The following UNC45A variants were observed in gnomAD, a reference collection of about 807,000 sequenced individuals.
The protein encoded by UNC45A is protein unc-45 homolog A.
Under a neutral mutation model 103.2 loss-of-function variants are expected in UNC45A, and 78 were observed. That is an observed-to-expected ratio of 0.76 (90% confidence interval 0.63 to 0.91). The LOEUF is 0.91. Ranked by LOEUF, UNC45A falls within the 40% of genes least tolerant of loss-of-function variation. The pLI is 0.00. For synonymous variants in UNC45A, 495 were observed against 504.6 expected, an observed-to-expected ratio of 0.98 and a Z score of 0.25; for missense variants, 1,193 against 1,224.8, an observed-to-expected ratio of 0.97 and a Z score of 0.39.
In UNC45A at chr15:90,936,182, T is replaced by TC. The variant is rs570565714; in HGVS notation, c.251-96dup. 2.9e-3 allele frequency: 4,431 copies of TC among 1,529,070 alleles called. 9 individuals carry two copies. Among genetic ancestry groups the TC allele is most frequent in the Non-Finnish European group, 3.5e-3 (3,963 of 1,140,460 alleles). The allele number at this position is 1,529,070 out of a possible 1,614,324, so 94.7% of individuals were successfully genotyped here. On this transcript the variant is annotated intron_variant, in intron 3 of 19. Coordinates refer to ENST00000418476, the MANE Select transcript of UNC45A (RefSeq NM_018671.5). ...GCTGAAGCACCGAGCCCCACATTCGTCCCCCCCACCTTCTTCTGGCCTTTC... is the reference window on the plus strand; with the variant it reads ...GCTGAAGCACCGAGCCCCACATTCGTCCCCCCCCACCTTCTTCTGGCCTTTC...
At position 90,950,627 on chromosome 15, in the gene UNC45A, T is replaced by C; in HGVS notation, c.2303+12T>C. 1 of 1,613,398 alleles carries C rather than the reference T, an allele frequency of 6.2e-7. No individual in the cohort carries two copies. Among genetic ancestry groups the C allele is most frequent in the Non-Finnish European group, 8.5e-7 (1 of 1,179,576 alleles). ...AGCGAGAGGCTCCGGTAAGGTCCCT[T>C]GGGATTGCGGGGCCTGGACCAGGCA... is the stretch of plus-strand genomic sequence containing the variant. On this transcript the variant is annotated intron_variant, in intron 17 of 19. Coordinates refer to ENST00000418476, the MANE Select transcript of UNC45A (RefSeq NM_018671.5).
chr15:90,937,967 T>A (rs540307368), intron 4 of UNC45A, among the ~76,000 whole-genome samples: 3 of 152,168 alleles, frequency 2.0e-5, no homozygotes, highest in African/African-American at 7.2e-5. Flanking sequence ...CTAATTTTTA[T>A]ATTTTTTGTA....
chr15:90,940,158 C>G, intron 5 of UNC45A, 148 bp from the exon 6 acceptor site: 2 of 833,124 alleles, frequency 2.4e-6, no homozygotes, highest in Middle Eastern at 3.7e-4. Flanking sequence ...ACAGAGGAAG[C>G]TAAACTTCAA....
intron 17 of UNC45A, 128 bp downstream of exon 17, chr15:90,950,743 C>T: frequency 2.2e-6 from 2 of 929,682 alleles, no homozygotes; most frequent in South Asian, 1.6e-5. Flanking sequence ...GACTGCTCCG[C>T]ATCATTAGAG....
rs75536206 is a variant in UNC45A at position 90,946,706 on chromosome 15, G to T, written c.1292G>T (p.Arg431Leu). 5 of 1,612,960 alleles carry T rather than the reference G, an allele frequency of 3.1e-6. No individual in the cohort carries two copies. The highest frequency in any genetic ancestry group is 4.2e-6 in the Non-Finnish European group (5 of 1,180,020). The change falls in exon 10 of 20, where the codon CGG (arginine) becomes CTG (leucine). Residue 431 changes from arginine (R) to leucine (L), a missense_variant. Arg to Leu is a moderately radical substitution (Grantham distance 102, BLOSUM62 -2). Coordinates refer to ENST00000418476, the MANE Select transcript of UNC45A (RefSeq NM_018671.5). ...LLQGPCDAGN[R>L]ALELSGVMES... is the part of the protein sequence containing the mutation. ...CAGGGCCCATGTGACGCTGGCAACC[G>T]GGCCTTGGAGCTGAGCGGTGTCATG...
intron 13 of UNC45A, 26 bp downstream of exon 13, chr15:90,948,820 G>A (rs1282168601): frequency 1.3e-6 from 2 of 1,571,874 alleles, no homozygotes; most frequent in East Asian, 2.3e-5. Flanking sequence ...AGGGGCTAGA[G>A]GGTTCCCCAC....
At chr15:90,945,268 T>C (rs1295544908) in intron 9 of UNC45A, among the ~76,000 whole-genome samples, 1 of 152,202 alleles carries the variant, frequency 6.6e-6, no homozygotes, top group African/African-American at 2.4e-5. Flanking sequence ...CTCAAGTCAA[T>C]GTTCCAATAA....
chr15:90,936,137 C>T, intron 3 of UNC45A, 148 bp from the exon 4 acceptor site: 4 of 1,499,050 alleles, frequency 2.7e-6, no homozygotes, highest in Non-Finnish European at 3.6e-6. Flanking sequence ...TTTTCTGCAG[C>T]TACCCTCACC....
At position 90,936,326 on chromosome 15, in the gene UNC45A, C is replaced by A. The variant is rs369103911; in HGVS notation, c.292C>A (p.Arg98=). 8.1e-6 allele frequency: 13 copies of A among 1,614,100 alleles called. No homozygotes were observed. The highest frequency in any genetic ancestry group is 1.1e-5 in the Non-Finnish European group (13 of 1,180,002). ...TGGGGATGTCAAAGCACTCTACCGGCGGAGCCAAGCCCTAGAGAAGCTGGG... is the reference window on the plus strand; with the variant it reads ...TGGGGATGTCAAAGCACTCTACCGGAGGAGCCAAGCCCTAGAGAAGCTGGG... ...DGGDVKALYR[R]SQALEKLGRL... is the part of the protein sequence containing the mutation. The change falls in exon 4 of 20, where the codon CGG becomes AGG. Residue 98 remains arginine, a synonymous_variant. Coordinates refer to ENST00000418476, the MANE Select transcript of UNC45A (RefSeq NM_018671.5).
Position 90,953,297 on chromosome 15 carries a change from G to A in UNC45A, c.2564G>A (p.Arg855His), listed in dbSNP as rs754062294. ...TCCATGCGGCCCACGCTCTGCAGCC[G>A]CATTCCCCAAGTGGTCAGTGCCTCT... The part of the protein sequence containing the change: ...LTSMRPTLCS[R>H]IPQVTTHWLE... The change falls in exon 19 of 20, where the codon CGC becomes CAC. Residue 855 changes from arginine to histidine, a missense_variant. Coordinates refer to ENST00000418476, the MANE Select transcript of UNC45A (RefSeq NM_018671.5). The A allele has an allele frequency of 8.1e-6, 13 of 1,609,022 alleles. No individual in the cohort carries two copies. In the South Asian group the frequency reaches 8.9e-5, roughly 11 times the overall value.
chr15:90,944,319 G>A (rs563838164), intron 8 of UNC45A, among the ~76,000 whole-genome samples: 16 of 152,084 alleles, frequency 1.1e-4, no homozygotes, highest in Admixed American at 9.2e-4. Flanking sequence ...CTCAGGAGGC[G>A]GAGGCTGCAG....
intron 4 of UNC45A, 82 bp downstream of exon 4, chr15:90,936,542 A>G (rs1397552146): frequency 1.3e-6 from 2 of 1,487,870 alleles, no homozygotes; most frequent in Non-Finnish European, 1.8e-6. Flanking sequence ...AGTTCTCCAG[A>G]CGAGATCCCG....
intron 9 of UNC45A, 130 bp from the exon 10 acceptor site, chr15:90,946,484 C>A: frequency 9.5e-7 from 1 of 1,052,810 alleles, no homozygotes; most frequent in Non-Finnish European, 1.3e-6. Context: ...CGTCCTAGTC[C>A]TCCCATTGGC....
At chr15:90,932,324 C>T, upstream of UNC45A, 1 of 824,298 alleles carries the variant, frequency 1.2e-6, no homozygotes, top group South Asian at 2.0e-5. Context: ...TCGCACTAAG[C>T]TTGGGACAAA....
intron 6 of UNC45A, among the ~76,000 whole-genome samples, chr15:90,941,725 C>T (rs774120865): frequency 1.3e-5 from 2 of 151,848 alleles, no homozygotes; most frequent in South Asian, 2.1e-4. Flanking sequence ...TTTGGAAGGC[C>T]GAGGCGGGCA....
rs2037057797 is a variant in UNC45A, at chr15:90,953,598, T to TG, written c.2719dup (p.Glu907GlyfsTer8). On this transcript the variant is annotated frameshift_variant, in exon 20 of 20. Transcript: ENST00000418476. LOFTEE classifies it high-confidence loss of function. ...AGCACCCTGATGGAGAGTGAGATGATGGAGATCTTGTCAGTGCTAGCTAAG... is the reference window on the plus strand; with the variant it reads ...AGCACCCTGATGGAGAGTGAGATGATGGGAGATCTTGTCAGTGCTAGCTAAG... 2 of 1,613,926 alleles carry TG rather than the reference T, an allele frequency of 1.2e-6. No individual in the cohort carries two copies. The highest frequency in any genetic ancestry group is 1.7e-6 in the Non-Finnish European group (2 of 1,180,002).
At chr15:90,948,607 C>T (rs1213786928) in intron 12 of UNC45A, 47 bp from the exon 13 acceptor site, 4 of 1,602,532 alleles carry the variant, frequency 2.5e-6, no homozygotes, top group Non-Finnish European at 3.4e-6. Context: ...TATCTGAGTA[C>T]TGCTCTGCCC....
chr15:90,948,654 T>C lies in UNC45A; in HGVS notation c.1738T>C (p.Leu580=). 6.2e-7 allele frequency: 1 copy of C among 1,613,442 alleles called. No homozygotes were observed. Among genetic ancestry groups the C allele is most frequent in the Non-Finnish European group, 8.5e-7 (1 of 1,179,474 alleles). The change falls in exon 13 of 20, where the codon TTG becomes CTG. Residue 580 remains leucine (L), a splice_region_variant and synonymous_variant. Coordinates refer to ENST00000418476, the MANE Select transcript of UNC45A (RefSeq NM_018671.5). ...ALKALFQLSR[L]EERSVLFAVA... ...TGTGAATTCCTCTGTGTCCTGGCAG[T>C]TGGAGGAGAGGTCAGTGCTCTTTGC...
intron 16 of UNC45A, 115 bp downstream of exon 16, chr15:90,950,382 G>A: frequency 6.8e-7 from 1 of 1,463,562 alleles, no homozygotes; most frequent in Non-Finnish European, 9.3e-7. Flanking sequence ...AAGGCCTGGG[G>A]CAGGGAGGAC....
Sources: allele counts gnomAD v4.1 joint callset (sites outside exome capture counted in the v4.1 genomes callset), GRCh38; gene constraint gnomAD v4.1.1; transcripts MANE v1.5; gene names NCBI Gene and HGNC (gene_info 2026-07-23, HGNC 2026-07-21).